The following TCF4 variants were observed in gnomAD, a reference collection of about 807,000 sequenced individuals.
The protein encoded by TCF4 is transcription factor 4, also known as SL3-3 enhancer factor 2.
A neutral mutation model predicts 82.1 loss-of-function variants in TCF4; 3 were observed. That is an observed-to-expected ratio of 0.04 (90% CI 0.02 to 0.09). The LOEUF (loss-of-function observed/expected upper bound fraction) is 0.09, where lower values mean the gene tolerates loss of function less well. Ranked by LOEUF, TCF4 falls within the 10% of genes least tolerant of loss-of-function variation. The pLI is 1.00. For missense variants in TCF4, 518 were observed against 852.7 expected, an observed-to-expected ratio of 0.61 and a Z score of 4.89; for synonymous variants, 276 against 309.6, an observed-to-expected ratio of 0.89 and a Z score of 1.14.
chr18:55,376,821 T>C (rs1286502658), intron 6 of TCF4, among the ~76,000 whole-genome samples: 1 of 152,200 alleles, frequency 6.6e-6, no homozygotes, highest in Non-Finnish European at 1.5e-5. Context: ...AAGCACAGCA[T>C]ATAGTTTCTG....
At chr18:55,490,927 T>G (rs2145805240) in intron 3 of TCF4, among the ~76,000 whole-genome samples, 1 of 152,242 alleles carries the variant, frequency 6.6e-6, no homozygotes, top group Admixed American at 6.5e-5. Flanking sequence ...GAGAAGATAT[T>G]GGAACAGTAT....
intron 8 of TCF4, among the ~76,000 whole-genome samples, chr18:55,315,324 C>T (rs1019180001): frequency 3.3e-5 from 5 of 152,082 alleles, no homozygotes; most frequent in Non-Finnish European, 7.4e-5. Context: ...GGATTAAATA[C>T]CTCAATGAAT....
intron 3 of TCF4, among the ~76,000 whole-genome samples, chr18:55,563,356 T>G (rs1227118334): frequency 1.3e-5 from 2 of 152,202 alleles, no homozygotes; most frequent in African/African-American, 2.4e-5. Context: ...AATCACTGAT[T>G]GTTTAATTTT....
chr18:55,446,793 G>C (rs1006305802), intron 5 of TCF4, among the ~76,000 whole-genome samples: 8 of 151,908 alleles, frequency 5.3e-5, no homozygotes, highest in African/African-American at 1.9e-4. Context: ...GACCATCCTG[G>C]CTAACACGGT....
At chr18:55,611,838 G>A (rs2097707319) in intron 2 of TCF4, among the ~76,000 whole-genome samples, 1 of 152,052 alleles carries the variant, frequency 6.6e-6, no homozygotes. Context: ...GCACAATCTT[G>A]GGTCACTGCA....
At chr18:55,272,326 A>C (rs2060551912) in intron 10 of TCF4, among the ~76,000 whole-genome samples, 1 of 152,138 alleles carries the variant, frequency 6.6e-6, no homozygotes, top group African/African-American at 2.4e-5. Context: ...TCAGAGATGT[A>C]ATAAATACAC....
intron 8 of TCF4, among the ~76,000 whole-genome samples, chr18:55,283,311 A>G (rs1458938772): frequency 6.6e-6 from 1 of 152,182 alleles, no homozygotes; most frequent in Non-Finnish European, 1.5e-5. Context: ...ATTCTAAATA[A>G]AACCTGTGCC....
intron 3 of TCF4, among the ~76,000 whole-genome samples, chr18:55,526,988 C>A (rs770829918): frequency 3.3e-5 from 5 of 152,142 alleles, no homozygotes; most frequent in African/African-American, 7.2e-5. Flanking sequence ...TAGAACCAAC[C>A]TATCCCAGGG....
chr18:55,470,798 A>G (rs958285656), intron 3 of TCF4, among the ~76,000 whole-genome samples: 4 of 152,146 alleles, frequency 2.6e-5, no homozygotes, highest in African/African-American at 9.7e-5. Context: ...AAATATATTG[A>G]TTTCTTAATA....
intron 3 of TCF4, among the ~76,000 whole-genome samples, chr18:55,574,306 T>C: frequency 6.6e-6 from 1 of 152,204 alleles, no homozygotes; most frequent in East Asian, 1.9e-4. Flanking sequence ...AAAAGTATAC[T>C]TGCATATTTC....
chr18:55,622,008 A>ATATATTATATATACAC (rs1568501981), intron 2 of TCF4, among the ~76,000 whole-genome samples: 1 of 123,256 alleles, frequency 8.1e-6, no homozygotes, highest in African/African-American at 3.7e-5. Context: ...TATATACACT[A>ATATATTATATATACAC]TATATATTAT....
chr18:55,495,789 T>C (rs1192509885), intron 3 of TCF4: 1 of 152,168 alleles, frequency 6.6e-6, no homozygotes, highest in Non-Finnish European at 1.5e-5. Context: ...AACAGCAATA[T>C]AATCTAGACC....
At chr18:55,571,204 C>T (rs1319915462) in intron 3 of TCF4, among the ~76,000 whole-genome samples, 1 of 152,124 alleles carries the variant, frequency 6.6e-6, no homozygotes, top group Non-Finnish European at 1.5e-5. Flanking sequence ...CATAAATAAA[C>T]TACAACCTAT....
chr18:55,382,328 G>T lies in TCF4; in HGVS notation c.369+21126C>A, dbSNP rs565081806. ...TCACTTAGTCACGTAGCCTTTCTCA[G>T]TTAAAAAAAAAAAAATCTTGCTTCC... On this transcript the variant is annotated intron_variant, in intron 6 of 19. Transcript: ENST00000354452. 2.7e-5 allele frequency among the ~76,000 whole-genome samples: 4 copies of T among 150,206 alleles called. No individual in the cohort carries two copies. The South Asian group carries it at 8.4e-4, about 31-fold the overall frequency.
intron 8 of TCF4, among the ~76,000 whole-genome samples, chr18:55,340,583 CAAA>C (rs11428164): frequency 4.6e-5 from 3 of 65,450 alleles, no homozygotes; most frequent in East Asian, 4.0e-4. Context: ...GACCCCATCT[CAAA>C]AAAAAAAAAA....
chr18:55,559,136 C>A (rs2097332579), intron 3 of TCF4, among the ~76,000 whole-genome samples: 2 of 141,230 alleles, frequency 1.4e-5, no homozygotes, highest in African/African-American at 2.6e-5. Flanking sequence ...CCAACTAGAA[C>A]ACGTTCCCCA....
intron 3 of TCF4, among the ~76,000 whole-genome samples, chr18:55,563,812 G>A (rs1413314172): frequency 1.3e-5 from 2 of 152,204 alleles, no homozygotes; most frequent in African/African-American, 2.4e-5. Context: ...TAAATACTAT[G>A]CAAAGTGTAT....
At chr18:55,393,058 A>G (rs1416734261) in intron 6 of TCF4, among the ~76,000 whole-genome samples, 3 of 152,210 alleles carry the variant, frequency 2.0e-5, no homozygotes, top group African/African-American at 4.8e-5. Context: ...TACTGACTCA[A>G]TCTTCAACAA....
intron 3 of TCF4, among the ~76,000 whole-genome samples, chr18:55,525,973 C>T (rs1043831174): frequency 1.3e-5 from 2 of 152,198 alleles, no homozygotes; most frequent in African/African-American, 4.8e-5. Flanking sequence ...ACCATCAACA[C>T]CCTTGAGCTG....
Sources: allele counts gnomAD v4.1 joint callset (sites outside exome capture counted in the v4.1 genomes callset), GRCh38; gene constraint gnomAD v4.1.1; transcripts MANE v1.5; gene names NCBI Gene and HGNC (gene_info 2026-07-23, HGNC 2026-07-21).